CFAP47: variants seen among roughly 807,000 people sequenced by gnomAD.
The protein encoded by CFAP47 is cilia and flagella associated protein 47.
Under a neutral mutation model 148.1 loss-of-function variants are expected in CFAP47, and 29 were observed. The observed-to-expected ratio is 0.20, with a 90% CI of 0.15 to 0.27. The LOEUF (loss-of-function observed/expected upper bound fraction) is 0.27, where lower values mean the gene tolerates loss of function less well. Ranked by LOEUF, CFAP47 falls within the 10% of genes least tolerant of loss-of-function variation. The pLI, the probability that CFAP47 is intolerant of heterozygous loss-of-function variation, is 1.00. For synonymous variants in CFAP47, 664 were observed against 577.3 expected, an observed-to-expected ratio of 1.15 and a Z score of -2.15; for missense variants, 1,872 against 1,697.5, an observed-to-expected ratio of 1.10 and a Z score of -1.81.
intron 56 of CFAP47, among the ~76,000 whole-genome samples, chrX:36,317,921 T>A (rs1219541158): frequency 8.9e-6 from 1 of 111,901 alleles, no homozygotes; most frequent in Non-Finnish European, 1.9e-5. Flanking sequence ...TAGATGCTGA[T>A]AAGATATCTT....
intron 29 of CFAP47, among the ~76,000 whole-genome samples, chrX:36,073,856 C>T (rs1172263571): frequency 8.9e-6 from 1 of 111,860 alleles, no homozygotes; most frequent in East Asian, 2.8e-4. Context: ...TTGATTATAT[C>T]AAGTGACTTA....
chrX:36,370,125 A>G (rs905279698), intron 62 of CFAP47, among the ~76,000 whole-genome samples: 4 of 111,406 alleles, frequency 3.6e-5, no homozygotes. Context: ...TTATACTTTA[A>G]GTTCTAGGGT....
chrX:35,955,358 T>A (rs1936228061), intron 7 of CFAP47, among the ~76,000 whole-genome samples: 1 of 111,988 alleles, frequency 8.9e-6, no homozygotes, highest in Non-Finnish European at 1.9e-5. Flanking sequence ...GCAAATCTTC[T>A]TAAGCCTACC....
At chrX:36,314,661 T>C (rs1159007102) in intron 56 of CFAP47, among the ~76,000 whole-genome samples, 1 of 111,702 alleles carries the variant, frequency 9.0e-6, no homozygotes, top group Non-Finnish European at 1.9e-5. Context: ...AACTTTTTAA[T>C]GCTATCTATC....
chrX:36,252,971 A>T (rs1555998447), intron 49 of CFAP47, among the ~76,000 whole-genome samples: 2 of 111,927 alleles, frequency 1.8e-5, no homozygotes, highest in African/African-American at 6.5e-5. Flanking sequence ...TGTGAATCAA[A>T]CTCTTAAAGT....
chrX:36,089,821 A>G (rs948235728), intron 30 of CFAP47, among the ~76,000 whole-genome samples: 1 of 111,974 alleles, frequency 8.9e-6, no homozygotes, highest in East Asian at 2.8e-4. Flanking sequence ...GTACTATTGA[A>G]CTTAAAATTT....
chrX:36,134,457 G>A (rs28881944), intron 33 of CFAP47, among the ~76,000 whole-genome samples: 15,361 of 89,492 alleles, frequency 0.17, 2,238 homozygotes, highest in African/African-American at 0.52. Flanking sequence ...GAATTGAGAG[G>A]CAAGGAATAT....
intron 44 of CFAP47, among the ~76,000 whole-genome samples, chrX:36,201,849 G>A (rs1286719760): frequency 9.1e-6 from 1 of 110,453 alleles, no homozygotes; most frequent in Non-Finnish European, 1.9e-5. Flanking sequence ...CTAGGAGGGG[G>A]TGGGTAGGAA....
At chrX:36,147,819 T>C (rs1484188730) in intron 36 of CFAP47, among the ~76,000 whole-genome samples, 1 of 112,568 alleles carries the variant, frequency 8.9e-6, no homozygotes, top group East Asian at 2.8e-4. Flanking sequence ...TACCTACTGC[T>C]ACTTTTTCAC....
At chrX:36,083,496 C>T (rs962835143) in intron 29 of CFAP47, among the ~76,000 whole-genome samples, 1 of 111,286 alleles carries the variant, frequency 9.0e-6, no homozygotes, top group Non-Finnish European at 1.9e-5. Context: ...TAAACAGTGT[C>T]CAACAAAGTC....
intron 39 of CFAP47, among the ~76,000 whole-genome samples, chrX:36,175,611 C>T (rs369306860): frequency 1.8e-5 from 2 of 112,133 alleles, no homozygotes; most frequent in Admixed American, 9.4e-5. Flanking sequence ...TTAGGCTGCT[C>T]GGATGTCAGC....
At chrX:36,248,477 A>T (rs1012721907) in intron 48 of CFAP47, among the ~76,000 whole-genome samples, 10 of 96,936 alleles carry the variant, frequency 1.0e-4, no homozygotes, top group African/African-American at 3.6e-4. Context: ...AAAGTATTTT[A>T]AAAATATCAC....
At chrX:36,029,449 C>G (rs934486829) in intron 22 of CFAP47, among the ~76,000 whole-genome samples, 1 of 110,306 alleles carries the variant, frequency 9.1e-6, no homozygotes, top group Non-Finnish European at 1.9e-5. Context: ...TTCTTGTTTT[C>G]CTAGTTCCTT....
chrX:36,139,943 C>T (rs760293384), intron 35 of CFAP47, among the ~76,000 whole-genome samples: 1 of 111,080 alleles, frequency 9.0e-6, no homozygotes, highest in South Asian at 3.8e-4. Flanking sequence ...AGGGAAACTG[C>T]AATCAATAAT....
At chrX:35,951,573 G>C (rs1179933439) in intron 5 of CFAP47, among the ~76,000 whole-genome samples, 1 of 111,707 alleles carries the variant, frequency 9.0e-6, no homozygotes, top group Non-Finnish European at 1.9e-5. Context: ...CCAGACAAGT[G>C]CTTCTTATAG....
intron 62 of CFAP47, among the ~76,000 whole-genome samples, chrX:36,368,927 G>A (rs1245005957): frequency 1.8e-5 from 2 of 111,169 alleles, no homozygotes; most frequent in African/African-American, 6.5e-5. Context: ...TTGATATTAA[G>A]TCTCCTATGT....
At chrX:36,299,738 C>T (rs1199785551) in intron 52 of CFAP47, among the ~76,000 whole-genome samples, 1 of 111,474 alleles carries the variant, frequency 9.0e-6, no homozygotes, top group Non-Finnish European at 1.9e-5. Context: ...AAAAATTCTG[C>T]ATATAAGTGA....
At chrX:36,376,352 C>A (rs1556022943) in intron 62 of CFAP47, among the ~76,000 whole-genome samples, 1 of 111,951 alleles carries the variant, frequency 8.9e-6, no homozygotes, top group Non-Finnish European at 1.9e-5. Context: ...CACCACTCAG[C>A]CTTTTTTTGT....
At chrX:36,057,873 G>A (rs958548304) in intron 26 of CFAP47, among the ~76,000 whole-genome samples, 5 of 111,524 alleles carry the variant, frequency 4.5e-5, no homozygotes, top group Non-Finnish European at 7.5e-5. Flanking sequence ...CTAAGCTTTT[G>A]TAGCCAGAAC....
Sources: gnomAD v4.1 joint callset for allele counts (sites outside exome capture counted in the v4.1 genomes callset) on GRCh38, gnomAD v4.1.1 for gene constraint, MANE v1.5 for transcripts, NCBI Gene and HGNC (gene_info 2026-07-23, HGNC 2026-07-21) for gene names.